The following BANK1 variants were observed in gnomAD, a reference collection of about 807,000 sequenced individuals.
BANK1 encodes the protein B-cell scaffold protein with ankyrin repeats.
In BANK1, 95 loss-of-function variants were observed where a neutral mutation model predicts 94.5. The ratio of observed to expected loss-of-function variants is 1.00; its 90% CI spans 0.85 to 1.19. The LOEUF (loss-of-function observed/expected upper bound fraction) is 1.19, where lower values mean the gene tolerates loss of function less well. BANK1 is among the 50% of genes most tolerant of loss of function. The pLI is 0.00. For missense variants in BANK1, 987 were observed against 932.2 expected (o/e 1.06, Z -0.77); for synonymous variants, 334 against 308.4 (o/e 1.08, Z -0.87).
intron 7 of BANK1, among the ~76,000 whole-genome samples, chr4:101,951,403 C>A (rs1306597756): frequency 2.0e-5 from 3 of 152,054 alleles, no homozygotes; most frequent in Middle Eastern, 3.4e-3. Context: ...ATTCAAGGAC[C>A]ATTTTCAAAA....
chr4:101,814,839 T>C (rs1464790040), intron 1 of BANK1, among the ~76,000 whole-genome samples: 2 of 152,226 alleles, frequency 1.3e-5, no homozygotes, highest in African/African-American at 2.4e-5. Flanking sequence ...ATAATATTCA[T>C]GTGAATGTAC....
chr4:102,061,251 A>C (rs1300936327), intron 12 of BANK1, among the ~76,000 whole-genome samples: 1 of 152,230 alleles, frequency 6.6e-6, no homozygotes, highest in Admixed American at 6.5e-5. Context: ...ATAAAAAAGA[A>C]TCAAAATAGA....
chr4:101,880,264 C>A (rs1477488093), intron 5 of BANK1, among the ~76,000 whole-genome samples: 1 of 151,566 alleles, frequency 6.6e-6, no homozygotes, highest in African/African-American at 2.4e-5. Flanking sequence ...AATCAGCATA[C>A]AAAAAACAAT....
chr4:101,908,167 T>A (rs1722528588), intron 6 of BANK1, among the ~76,000 whole-genome samples: 2 of 152,184 alleles, frequency 1.3e-5, no homozygotes, highest in African/African-American at 4.8e-5. Context: ...CCTACAAGGC[T>A]ACAGTAACCA....
chr4:101,857,709 A>G (rs1207881792), intron 3 of BANK1, among the ~76,000 whole-genome samples: 1 of 152,092 alleles, frequency 6.6e-6, no homozygotes, highest in African/African-American at 2.4e-5. Flanking sequence ...TATTTCTTTA[A>G]CTTTTTTTCC....
chr4:101,818,165 T>C (rs959457742), intron 1 of BANK1, among the ~76,000 whole-genome samples: 1 of 152,220 alleles, frequency 6.6e-6, no homozygotes, highest in Non-Finnish European at 1.5e-5. Context: ...ATACAGATGT[T>C]ATTATGACAT....
rs1164362917 is a variant in BANK1 at position 102,035,203 on chromosome 4, A to G, written c.1900+4938A>G. ...TATGTCCAAAACACTACCAATTTGA[A>G]GGGAAGAGCCCACACAGAACTGGAC... is the stretch of plus-strand genomic sequence containing the variant. On this transcript the variant is annotated intron_variant, in intron 10 of 16. Coordinates refer to ENST00000322953, the MANE Select transcript of BANK1 (RefSeq NM_017935.5). Among the ~76,000 whole-genome samples, 7 of 152,210 alleles carry G rather than the reference A, an allele frequency of 4.6e-5. No individual in the cohort carries two copies. The East Asian group carries it at 1.4e-3, about 29-fold the overall frequency.
intron 1 of BANK1, among the ~76,000 whole-genome samples, chr4:101,812,891 T>G (rs1376550647): frequency 6.6e-6 from 1 of 152,132 alleles, no homozygotes; most frequent in Non-Finnish European, 1.5e-5. Context: ...CTTTGGCTTT[T>G]GTAAACAGGT....
chr4:102,010,631 G>A (rs1035331736), intron 7 of BANK1, among the ~76,000 whole-genome samples: 1 of 152,034 alleles, frequency 6.6e-6, no homozygotes, highest in African/African-American at 2.4e-5. Flanking sequence ...GAACTCAGGT[G>A]ATCCATCCAC....
chr4:102,048,520 G>A lies in BANK1; in HGVS notation c.1969+4613G>A, dbSNP rs529407868. ...TTCAAATATCCTGGGATTTCATGGTGTACTAGGAAAAGCAGTACATACTTC... is the reference window on the plus strand; with the variant it reads ...TTCAAATATCCTGGGATTTCATGGTATACTAGGAAAAGCAGTACATACTTC... On this transcript the variant is annotated intron_variant, in intron 11 of 16. Transcript: ENST00000322953. 5.3e-5 allele frequency among the ~76,000 whole-genome samples: 8 copies of A among 152,212 alleles called. No individual in the cohort carries two copies. In the East Asian group the frequency reaches 7.7e-4, roughly 15 times the overall value.
chr4:102,003,655 C>T (rs1298720662), intron 7 of BANK1, among the ~76,000 whole-genome samples: 3 of 151,954 alleles, frequency 2.0e-5, no homozygotes, highest in Non-Finnish European at 2.9e-5. Flanking sequence ...AAGGTGATCA[C>T]AAAGGTCCAC....
chr4:101,808,007 C>G (rs1450266759), intron 1 of BANK1, among the ~76,000 whole-genome samples: 3 of 151,578 alleles, frequency 2.0e-5, no homozygotes, highest in Non-Finnish European at 4.4e-5. Context: ...ATCGCTTGAA[C>G]CCGGGATGTG....
chr4:101,889,464 G>T (rs1480438733), intron 5 of BANK1, among the ~76,000 whole-genome samples: 1 of 151,490 alleles, frequency 6.6e-6, no homozygotes, highest in African/African-American at 2.4e-5. Flanking sequence ...CGGGCGCGGT[G>T]GCGGGCGCCT....
At chr4:102,071,342 A>T (rs1197748395) in intron 14 of BANK1, 38 bp downstream of exon 14, 3 of 1,590,548 alleles carry the variant, frequency 1.9e-6, no homozygotes, top group Non-Finnish European at 2.6e-6. Flanking sequence ...CTAAGACTAA[A>T]ACAAAGTACA....
At chr4:101,849,050 A>G (rs1727368664) in intron 2 of BANK1, among the ~76,000 whole-genome samples, 3 of 152,202 alleles carry the variant, frequency 2.0e-5, no homozygotes, top group Admixed American at 6.5e-5. Context: ...TACTTTACTT[A>G]AGCCTATCAC....
intron 7 of BANK1, among the ~76,000 whole-genome samples, chr4:102,021,019 A>T (rs1726876946): frequency 6.6e-6 from 1 of 152,182 alleles, no homozygotes; most frequent in East Asian, 1.9e-4. Flanking sequence ...GTTTTCAGAA[A>T]GACAAATAAA....
In BANK1 at chr4:101,862,593, C is replaced by T; in HGVS notation, c.692C>T (p.Thr231Ile). Reference sequence around the variant, plus strand: ...GGTGATACTGTAGAGGTTGAATTTACATCAAGTAATAAGCGCATTAGAACA... The same window carrying T: ...GGTGATACTGTAGAGGTTGAATTTATATCAAGTAATAAGCGCATTAGAACA... ...VIGDTVEVEF[T>I]SSNKRIRTRP... The change falls in exon 4 of 17, where the codon ACA (threonine) becomes ATA (isoleucine). Residue 231 changes from threonine (T) to isoleucine (I), a missense_variant. Thr to Ile is a moderately conservative substitution (Grantham distance 89). Transcript: ENST00000322953. The T allele has an allele frequency of 6.2e-7, 1 of 1,611,424 alleles. No homozygotes were observed. The highest frequency in any genetic ancestry group is 8.5e-7 in the Non-Finnish European group (1 of 1,178,512).
At chr4:101,837,842 T>G (rs994246166) in intron 2 of BANK1, among the ~76,000 whole-genome samples, 1 of 152,162 alleles carries the variant, frequency 6.6e-6, no homozygotes, top group African/African-American at 2.4e-5. Flanking sequence ...TAGCTGTGTT[T>G]GTAAAAGCAT....
chr4:102,031,871 ATAAAG>A (rs1309827231), intron 10 of BANK1, among the ~76,000 whole-genome samples: 5 of 152,234 alleles, frequency 3.3e-5, no homozygotes, highest in African/African-American at 1.2e-4. Context: ...GCAAGCACGT[ATAAAG>A]TATTTATCAG....
Sources: gnomAD v4.1 joint callset for allele counts (sites outside exome capture counted in the v4.1 genomes callset) on GRCh38, gnomAD v4.1.1 for gene constraint, MANE v1.5 for transcripts, NCBI Gene and HGNC (gene_info 2026-07-23, HGNC 2026-07-21) for gene names.